Variants in ENPP3 observed in about 807,000 individuals in gnomAD.
The protein encoded by ENPP3 is ectonucleotide pyrophosphatase/phosphodiesterase family member 3.
ENPP3 carries 104 observed loss-of-function variants against 117.8 expected under a neutral mutation model. The ratio of observed to expected loss-of-function variants is 0.88; its 90% CI spans 0.75 to 1.04. The LOEUF (loss-of-function observed/expected upper bound fraction) is 1.04, where lower values mean the gene tolerates loss of function less well. Among genes scored for constraint, ENPP3 ranks in the 50% least tolerant of loss-of-function variants. ENPP3 has a pLI of 0.00. For missense variants in ENPP3, 1,026 were observed against 1,051.9 expected (o/e 0.98, Z 0.34); for synonymous variants, 380 against 349.9 (o/e 1.09, Z -0.96).
At chr6:131,677,180 G>A (rs1166888971) in intron 10 of ENPP3, among the ~76,000 whole-genome samples, 5 of 152,158 alleles carry the variant, frequency 3.3e-5, no homozygotes, top group Non-Finnish European at 7.4e-5. Context: ...AGGCTGCAGT[G>A]AGTATGATCA....
chr6:131,651,515 G>A (rs992254053), intron 3 of ENPP3, among the ~76,000 whole-genome samples: 1 of 152,114 alleles, frequency 6.6e-6, no homozygotes, highest in Non-Finnish European at 1.5e-5. Context: ...CTCAAACGTC[G>A]AGGTGCAATA....
At position 131,746,817 on chromosome 6, in the gene ENPP3, A is replaced by C; in HGVS notation, c.2489A>C (p.Glu830Ala). 1 of 1,610,396 alleles carries C rather than the reference A, an allele frequency of 6.2e-7. No homozygotes were observed. The highest frequency in any genetic ancestry group is 8.5e-7 in the Non-Finnish European group (1 of 1,178,918). The change falls in exon 25 of 25, where the codon GAA (glutamate) becomes GCA (alanine). Residue 830 changes from glutamate (E) to alanine (A), a missense_variant. Glu to Ala is a moderately radical substitution (Grantham distance 107, BLOSUM62 -1). Coordinates refer to ENST00000357639, the MANE Select transcript of ENPP3 (RefSeq NM_005021.5). The part of the protein sequence containing the change: ...EGKPEALWVE[E>A]RFTAHIARVR... ...AAACCAGAAGCTCTTTGGGTTGAAG[A>C]AAGATTTACAGCTCACATTGCCCGG...
intron 5 of ENPP3, 100 bp downstream of exon 5, chr6:131,652,991 G>C (rs1778298015): frequency 1.3e-6 from 1 of 775,862 alleles, no homozygotes; most frequent in Non-Finnish European, 2.2e-6. Flanking sequence ...CCCAATTCAT[G>C]TACATTTCAA....
At chr6:131,691,770 A>G (rs568432548) in intron 14 of ENPP3, among the ~76,000 whole-genome samples, 1 of 152,178 alleles carries the variant, frequency 6.6e-6, no homozygotes, top group Non-Finnish European at 1.5e-5. Context: ...ACAATTACAC[A>G]CAGGGACAAA....
Position 131,733,673 on chromosome 6 carries a change from C to G in ENPP3, c.2039C>G (p.Ser680Cys). ...CCTCCTTCTGAGAGCCAAAAATGTT[C>G]CTTCTATTTAGCAGACAAGAATATC... is the stretch of plus-strand genomic sequence containing the variant. ...RVPPSESQKC[S>C]FYLADKNITH... The change falls in exon 21 of 25, where the codon TCC becomes TGC. Residue 680 changes from serine to cysteine, a missense_variant. By Grantham distance (112) the Ser-to-Cys change is moderately radical. Coordinates refer to ENST00000357639, the MANE Select transcript of ENPP3 (RefSeq NM_005021.5). 6.2e-7 allele frequency: 1 copy of G among 1,614,098 alleles called. No homozygotes were observed. Among genetic ancestry groups the G allele is most frequent in the Non-Finnish European group, 8.5e-7 (1 of 1,179,986 alleles).
At chr6:131,702,163 T>TC (rs1212144581) in intron 15 of ENPP3, among the ~76,000 whole-genome samples, 2 of 152,168 alleles carry the variant, frequency 1.3e-5, no homozygotes, top group Non-Finnish European at 1.5e-5. Context: ...TCAGAGTTTT[T>TC]CTCTGTTATG....
At chr6:131,727,112 C>T (rs1780170707) in intron 20 of ENPP3, among the ~76,000 whole-genome samples, 1 of 152,038 alleles carries the variant, frequency 6.6e-6, no homozygotes, top group African/African-American at 2.4e-5. Context: ...TTATGAGTAT[C>T]CAGAACAGTA....
intron 15 of ENPP3, chr6:131,710,581 A>T (rs1562466641): frequency 6.2e-7 from 1 of 1,613,182 alleles, no homozygotes; most frequent in Non-Finnish European, 8.5e-7. Flanking sequence ...TAGACAGAGG[A>T]TTTCATCCTC....
At chr6:131,674,383 C>G in intron 8 of ENPP3, 102 bp downstream of exon 8, 2 of 1,178,636 alleles carry the variant, frequency 1.7e-6, no homozygotes, top group Non-Finnish European at 2.5e-6. Flanking sequence ...TGTCACCCAT[C>G]TAGTTTCTAA....
At chr6:131,726,433 A>C (rs565885420) in intron 20 of ENPP3, among the ~76,000 whole-genome samples, 3 of 152,328 alleles carry the variant, frequency 2.0e-5, no homozygotes, top group Admixed American at 2.0e-4. Flanking sequence ...TTACAGGCCA[A>C]TTGGCCAATT....
At chr6:131,661,744 A>C (rs1309062550) in intron 6 of ENPP3, among the ~76,000 whole-genome samples, 1 of 152,168 alleles carries the variant, frequency 6.6e-6, no homozygotes, top group Non-Finnish European at 1.5e-5. Flanking sequence ...TAATGAGACT[A>C]TTGTATTTTT....
At chr6:131,693,129 A>T (rs1180487356) in intron 14 of ENPP3, among the ~76,000 whole-genome samples, 1 of 146,900 alleles carries the variant, frequency 6.8e-6, no homozygotes, top group Non-Finnish European at 1.5e-5. Flanking sequence ...ACACACACAC[A>T]CACACACCCC....
Position 131,717,874 on chromosome 6 carries a change from G to T in ENPP3, c.1413-798G>T, listed in dbSNP as rs1029974295. On this transcript the variant is annotated intron_variant, in intron 15 of 24. Transcript: ENST00000357639. ...TATAGTTCTACTATAACTTTTCTAT[G>T]TTTACATGTGCTTAGATACACAAAT... 3.9e-5 allele frequency among the ~76,000 whole-genome samples: 6 copies of T among 152,204 alleles called. No homozygotes were observed. The East Asian group carries it at 9.7e-4, about 24-fold the overall frequency.
At chr6:131,714,145 G>A (rs1029212684) in intron 15 of ENPP3, among the ~76,000 whole-genome samples, 2 of 152,146 alleles carry the variant, frequency 1.3e-5, no homozygotes, top group African/African-American at 4.8e-5. Flanking sequence ...ATGGTAGCAT[G>A]AGTACTTGAA....
intron 2 of ENPP3, among the ~76,000 whole-genome samples, chr6:131,647,168 C>T (rs977801882): frequency 6.6e-6 from 1 of 152,090 alleles, no homozygotes; most frequent in Non-Finnish European, 1.5e-5. Flanking sequence ...GCCACTGCAC[C>T]AGGCCTCAAC....
In ENPP3 at chr6:131,685,509, C is replaced by T. The variant is rs561226767; in HGVS notation, c.1252+14C>T. The T allele has an allele frequency of 8.1e-6, 13 of 1,607,442 alleles. 1 individual carries two copies. The South Asian group carries it at 8.9e-5, about 11-fold the overall frequency. ...ACTTTTTTAGTTGTAAGTATGAAGA[C>T]ACCTATATGAAAAAAAGGGTAAACC... On this transcript the variant is annotated intron_variant, in intron 13 of 24. Transcript: ENST00000357639.
At chr6:131,717,809 G>A (rs1779930387) in intron 15 of ENPP3, among the ~76,000 whole-genome samples, 1 of 152,124 alleles carries the variant, frequency 6.6e-6, no homozygotes, top group Non-Finnish European at 1.5e-5. Flanking sequence ...GGCCAACAAT[G>A]AACTGCTTGT....
intron 21 of ENPP3, 131 bp from the exon 22 acceptor site, chr6:131,737,224 G>C (rs769415159): frequency 2.4e-5 from 14 of 591,496 alleles, no homozygotes; most frequent in Non-Finnish European, 4.1e-5. Flanking sequence ...AACAACCTCT[G>C]TTAGAAAGTA....
At position 131,693,528 on chromosome 6, in the gene ENPP3, A is replaced by C; in HGVS notation, c.1316A>C (p.Tyr439Ser). 6.2e-7 allele frequency: 1 copy of C among 1,613,394 alleles called. No homozygotes were observed. Among genetic ancestry groups the C allele is most frequent in the South Asian group, 1.1e-5 (1 of 90,896 alleles). ...CRKPDQHFKP[Y>S]LTPDLPKRLH... Reference sequence around the variant, plus strand: ...AAACCTGATCAGCATTTCAAGCCCTATTTGACTCCTGATTTGCCAAAGCGA... The same window carrying C: ...AAACCTGATCAGCATTTCAAGCCCTCTTTGACTCCTGATTTGCCAAAGCGA... The change falls in exon 15 of 25, where the codon TAT becomes TCT. Residue 439 changes from tyrosine to serine, a missense_variant. By Grantham distance (144) the Tyr-to-Ser change is moderately radical. Coordinates refer to ENST00000357639, the MANE Select transcript of ENPP3 (RefSeq NM_005021.5).
Sources: allele counts gnomAD v4.1 joint callset (sites outside exome capture counted in the v4.1 genomes callset), GRCh38; gene constraint gnomAD v4.1.1; transcripts MANE v1.5; gene names NCBI Gene and HGNC (gene_info 2026-07-23, HGNC 2026-07-21).